Variants in KAT6B observed in about 807,000 individuals in gnomAD.
The protein encoded by KAT6B is lysine acetyltransferase 6B, also known as histone acetyltransferase KAT6B.
Under a neutral mutation model 187.5 loss-of-function variants are expected in KAT6B, and 10 were observed. That is an observed-to-expected ratio of 0.05 (90% CI 0.03 to 0.09). The LOEUF is 0.09. Ranked by LOEUF, KAT6B falls within the 10% of genes least tolerant of loss-of-function variation. The pLI, the probability that KAT6B is intolerant of heterozygous loss-of-function variation, is 1.00. For missense variants in KAT6B, 1,952 were observed against 2,558.9 expected, an observed-to-expected ratio of 0.76 and a Z score of 5.12; for synonymous variants, 861 against 926.8, an observed-to-expected ratio of 0.93 and a Z score of 1.29.
At chr10:74,916,395 A>G (rs1305038973) in intron 3 of KAT6B, among the ~76,000 whole-genome samples, 1 of 152,204 alleles carries the variant, frequency 6.6e-6, no homozygotes, top group African/African-American at 2.4e-5. Flanking sequence ...TATCAGGGAC[A>G]TATTTTTATA....
chr10:74,930,473 A>G lies in KAT6B; in HGVS notation c.622-29497A>G, dbSNP rs548615186. ...CATAGACTTAGCTGAAATGAAACAT[A>G]GTAAGTACAGATTTAAATATGTATG... On this transcript the variant is annotated intron_variant, in intron 3 of 17. Transcript: ENST00000287239. Among the ~76,000 whole-genome samples the G allele has an allele frequency of 2.0e-5, 3 of 152,352 alleles. No individual in the cohort carries two copies. In the East Asian group the frequency reaches 5.8e-4, roughly 29 times the overall value.
At chr10:74,882,106 G>T (rs1844895210) in intron 3 of KAT6B, among the ~76,000 whole-genome samples, 1 of 152,202 alleles carries the variant, frequency 6.6e-6, no homozygotes, top group African/African-American at 2.4e-5. Flanking sequence ...TGCTGGGGCT[G>T]CTGGAGTCTC....
chr10:74,903,630 A>G (rs1846553167), intron 3 of KAT6B, among the ~76,000 whole-genome samples: 1 of 152,202 alleles, frequency 6.6e-6, no homozygotes, highest in African/African-American at 2.4e-5. Context: ...GGATAAGAGC[A>G]GAGTCTGGCT....
At chr10:75,014,201 G>A (rs1844818138) in intron 13 of KAT6B, among the ~76,000 whole-genome samples, 2 of 152,164 alleles carry the variant, frequency 1.3e-5, no homozygotes, top group Admixed American at 1.3e-4. Flanking sequence ...CAAGCTGGGT[G>A]CAGTGGCTCA....
At chr10:74,958,286 A>G (rs1431502880) in intron 3 of KAT6B, among the ~76,000 whole-genome samples, 1 of 152,236 alleles carries the variant, frequency 6.6e-6, no homozygotes, top group Non-Finnish European at 1.5e-5. Context: ...GCACCAGGAA[A>G]TGCATTAGGC....
intron 3 of KAT6B, among the ~76,000 whole-genome samples, chr10:74,900,370 C>T (rs1846291375): frequency 6.6e-6 from 1 of 152,210 alleles, no homozygotes; most frequent in East Asian, 1.9e-4. Context: ...GCTCCAGTTG[C>T]TCAGAGGATG....
At chr10:74,833,352 C>T (rs1841026785) in intron 1 of KAT6B, among the ~76,000 whole-genome samples, 1 of 152,100 alleles carries the variant, frequency 6.6e-6, no homozygotes, top group South Asian at 2.1e-4. Context: ...TCAGTGTACC[C>T]TGGCTCCAAA....
chr10:74,861,288 C>T (rs568199271), intron 3 of KAT6B, among the ~76,000 whole-genome samples: 10 of 152,036 alleles, frequency 6.6e-5, no homozygotes, highest in South Asian at 2.1e-4. Context: ...GGTGACAGAG[C>T]GAGACTCTGT....
At chr10:74,919,870 T>C (rs1376515559) in intron 3 of KAT6B, among the ~76,000 whole-genome samples, 1 of 152,264 alleles carries the variant, frequency 6.6e-6, no homozygotes, top group Non-Finnish European at 1.5e-5. Flanking sequence ...TCATTAGTTA[T>C]AGAATTTTTA....
intron 3 of KAT6B, among the ~76,000 whole-genome samples, chr10:74,888,025 G>A (rs1358048454): frequency 6.6e-6 from 1 of 152,106 alleles, no homozygotes; most frequent in East Asian, 1.9e-4. Flanking sequence ...CTGAAATAGT[G>A]CCCACAGGCT....
intron 3 of KAT6B, among the ~76,000 whole-genome samples, chr10:74,954,547 T>C (rs1228900466): frequency 6.6e-6 from 1 of 152,220 alleles, no homozygotes; most frequent in Non-Finnish European, 1.5e-5. Context: ...TGACTCCTAT[T>C]GGTGTAAGTT....
intron 16 of KAT6B, among the ~76,000 whole-genome samples, chr10:75,022,773 A>C (rs1241487192): frequency 6.6e-6 from 1 of 152,216 alleles, no homozygotes; most frequent in East Asian, 1.9e-4. Flanking sequence ...TCTGCTAAAA[A>C]TACAAAAAAT....
At chr10:74,972,753 G>T in intron 7 of KAT6B, 114 bp downstream of exon 7, 1 of 1,006,830 alleles carries the variant, frequency 9.9e-7, no homozygotes, top group Non-Finnish European at 1.5e-6. Context: ...TCAAACTCAA[G>T]GGTTGAAAAA....
At chr10:74,965,477 A>G (rs1366984904) in intron 4 of KAT6B, among the ~76,000 whole-genome samples, 1 of 152,122 alleles carries the variant, frequency 6.6e-6, no homozygotes, top group Non-Finnish European at 1.5e-5. Flanking sequence ...AGTGCTCATT[A>G]AATATTAGTT....
chr10:74,827,030 G>C (rs1285302539), intron 1 of KAT6B: 1 of 145,192 alleles, frequency 6.9e-6, no homozygotes, highest in Non-Finnish European at 1.5e-5. Context: ...AGGGCGGAGG[G>C]GGGCGGGGCG....
Position 74,843,157 on chromosome 10 carries a change from T to C in KAT6B, c.300T>C (p.Asn100=), listed in dbSNP as rs1253009356. The C allele has an allele frequency of 1.9e-6, 3 of 1,614,126 alleles. No individual in the cohort carries two copies. The highest frequency in any genetic ancestry group is 2.5e-6 in the Non-Finnish European group (3 of 1,180,050). The part of the protein sequence containing the change: ...KSAKGSRGSC[N]DLRNVDWNKL... The stretch of plus-strand genomic sequence containing the variant: ...CCAAGGGGTCTAGAGGATCATGTAA[T>C]GATCTCCGCAATGTGGATTGGAATA... Residue 100 remains asparagine, a synonymous_variant, in exon 3 of 18, where the codon AAT becomes AAC. Coordinates refer to ENST00000287239, the MANE Select transcript of KAT6B (RefSeq NM_012330.4).
At chr10:74,947,632 A>G (rs1840045126) in intron 3 of KAT6B, among the ~76,000 whole-genome samples, 1 of 152,192 alleles carries the variant, frequency 6.6e-6, no homozygotes, top group Non-Finnish European at 1.5e-5. Flanking sequence ...AAATTTTACC[A>G]ATGTCACCAA....
chr10:74,975,822 A>T lies in KAT6B; in HGVS notation c.1485A>T (p.Pro495=). ...TAAAACCTCCACCTTCTTCACTTCC[A>T]CCCCCAACCCCCATCTCCGGTCAGA... The part of the protein sequence containing the change: ...QKLKPPPSSL[P]PPTPISGQSP... The change falls in exon 8 of 18, where the codon CCA becomes CCT. Residue 495 remains proline (P), a synonymous_variant. Coordinates refer to ENST00000287239, the MANE Select transcript of KAT6B (RefSeq NM_012330.4). The T allele has an allele frequency of 5.6e-6, 9 of 1,613,796 alleles. No individual in the cohort carries two copies. Among genetic ancestry groups the T allele is most frequent in the East Asian group, 2.2e-5 (1 of 44,854 alleles).
chr10:74,891,563 C>A (rs1011467761), intron 3 of KAT6B, among the ~76,000 whole-genome samples: 1 of 152,190 alleles, frequency 6.6e-6, no homozygotes, highest in Non-Finnish European at 1.5e-5. Context: ...GATATTTTAA[C>A]AAGCAACAAT....
Sources: gnomAD v4.1 joint callset for allele counts (sites outside exome capture counted in the v4.1 genomes callset) on GRCh38, gnomAD v4.1.1 for gene constraint, MANE v1.5 for transcripts, NCBI Gene and HGNC (gene_info 2026-07-23, HGNC 2026-07-21) for gene names.